Variants in ATXN2 observed in about 807,000 individuals in gnomAD.
ATXN2 encodes ataxin 2.
ATXN2 carries 37 observed loss-of-function variants against 138.6 expected under a neutral mutation model. The ratio of observed to expected loss-of-function variants is 0.27; its 90% CI spans 0.21 to 0.35. The LOEUF (loss-of-function observed/expected upper bound fraction) is 0.35. ATXN2 is among the 10% of genes least tolerant of loss of function. The pLI is 1.00. For synonymous variants in ATXN2, 549 were observed against 543.7 expected, an observed-to-expected ratio of 1.01 and a Z score of -0.13; for missense variants, 1,216 against 1,480.3, an observed-to-expected ratio of 0.82 and a Z score of 2.93.
intron 5 of ATXN2, among the ~76,000 whole-genome samples, chr12:111,534,476 A>G (rs1483339230): frequency 6.6e-6 from 1 of 152,162 alleles, no homozygotes; most frequent in Non-Finnish European, 1.5e-5. Context: ...TGTTATCTGT[A>G]AGTCACTGTA....
In ATXN2 at chr12:111,470,599, T is replaced by C. The variant is rs762538193; in HGVS notation, c.2668A>G (p.Asn890Asp). ...YVAYSPQQFPNQPLVQHVPHY... is the reference protein window; with the variant it reads ...YVAYSPQQFPDQPLVQHVPHY... ...GGCACATGCTGAACAAGGGGCTGAT[T>C]TGGGAACTGCTGAGGACTGTAGGCA... The change falls in exon 19 of 25, where the codon AAT becomes GAT. Residue 890 changes from asparagine to aspartate, a missense_variant. By Grantham distance (23) the Asn-to-Asp change is conservative. Coordinates refer to ENST00000673436, the MANE Select transcript of ATXN2 (RefSeq NM_001372574.1). 6 of 1,613,992 alleles carry C rather than the reference T, an allele frequency of 3.7e-6. No homozygotes were observed. The African/African-American group carries it at 4.0e-5, about 11-fold the overall frequency.
At position 111,573,262 on chromosome 12, in the gene ATXN2, A is replaced by G. The variant is rs566441893; in HGVS notation, c.252-17343T>C. On this transcript the variant is annotated intron_variant, in intron 1 of 24. Coordinates refer to ENST00000673436, the MANE Select transcript of ATXN2 (RefSeq NM_001372574.1). ...CGCTGGAGTGCAATGGAGCGATCTC[A>G]GCTCACTGCAACCTCCACCTCCCAG... 5.3e-5 allele frequency among the ~76,000 whole-genome samples: 8 copies of G among 152,066 alleles called. No homozygotes were observed. In the South Asian group the frequency reaches 1.7e-3, roughly 32 times the overall value.
At chr12:111,585,427 C>T (rs1159729893) in intron 1 of ATXN2, among the ~76,000 whole-genome samples, 1 of 151,802 alleles carries the variant, frequency 6.6e-6, no homozygotes, top group Non-Finnish European at 1.5e-5. Flanking sequence ...GCAGGAAAAT[C>T]GCTAGAAGCT....
chr12:111,493,651 CAG>C (rs1324928481), intron 14 of ATXN2, among the ~76,000 whole-genome samples: 1 of 149,950 alleles, frequency 6.7e-6, no homozygotes, highest in African/African-American at 2.5e-5. Flanking sequence ...TTTTGTGAGA[CAG>C]AGTCTTGCTC....
intron 1 of ATXN2, among the ~76,000 whole-genome samples, chr12:111,592,145 T>C (rs1273885929): frequency 6.7e-6 from 1 of 150,040 alleles, no homozygotes; most frequent in Admixed American, 6.6e-5. Context: ...ATCCCAGCAC[T>C]TTGGGAGGCC....
intron 1 of ATXN2, among the ~76,000 whole-genome samples, chr12:111,566,658 T>C (rs1883028207): frequency 6.6e-6 from 1 of 150,664 alleles, no homozygotes; most frequent in South Asian, 2.1e-4. Flanking sequence ...TTTTTTAAGA[T>C]AGAGTTTCGC....
intron 20 of ATXN2, chr12:111,469,735 C>T (rs2135672877): frequency 3.8e-6 from 1 of 262,140 alleles, no homozygotes. Context: ...AAAATGTTTT[C>T]ATGCTGGAGA....
At chr12:111,505,888 C>T (rs779497387) in intron 14 of ATXN2, among the ~76,000 whole-genome samples, 2 of 152,190 alleles carry the variant, frequency 1.3e-5, no homozygotes. Flanking sequence ...AAACTGCACA[C>T]TCATGTTTGT....
At chr12:111,580,194 A>C (rs1566077882) in intron 1 of ATXN2, among the ~76,000 whole-genome samples, 1 of 151,920 alleles carries the variant, frequency 6.6e-6, no homozygotes, top group South Asian at 2.1e-4. Flanking sequence ...AAGAAAGAGG[A>C]GGCTGGGTGC....
rs149933271 is a variant in ATXN2, at chr12:111,502,996, T to C, written c.1935+6553A>G. On this transcript the variant is annotated intron_variant, in intron 14 of 24. Coordinates refer to ENST00000673436, the MANE Select transcript of ATXN2 (RefSeq NM_001372574.1). Reference sequence around the variant, plus strand: ...GCCACAATGTTACGCACATGATGTATAGAGGCCAACATTCAAACCTAGGTC... The same window carrying C: ...GCCACAATGTTACGCACATGATGTACAGAGGCCAACATTCAAACCTAGGTC... 2.2e-3 allele frequency among the ~76,000 whole-genome samples: 329 copies of C among 152,320 alleles called. 2 individuals carry two copies. The highest frequency in any genetic ancestry group is 7.5e-3 in the African/African-American group (313 of 41,576).
chr12:111,524,683 G>C lies in ATXN2; in HGVS notation c.696+509C>G, dbSNP rs150886605. 4.6e-3 allele frequency among the ~76,000 whole-genome samples: 706 copies of C among 152,282 alleles called. 7 individuals carry two copies. Among genetic ancestry groups the C allele is most frequent in the African/African-American group, 0.016 (647 of 41,558 alleles). On this transcript the variant is annotated intron_variant, in intron 6 of 24. Transcript: ENST00000673436. ...GTTTTAGAAATAAAAGAATTTTGTGGAGAATAATCCAAATTTAAGACCAAG... is the reference window on the plus strand; with the variant it reads ...GTTTTAGAAATAAAAGAATTTTGTGCAGAATAATCCAAATTTAAGACCAAG...
intron 1 of ATXN2, among the ~76,000 whole-genome samples, chr12:111,566,498 G>A (rs1883017818): frequency 6.7e-6 from 1 of 149,772 alleles, no homozygotes; most frequent in Admixed American, 6.7e-5. Flanking sequence ...GCCATTCATA[G>A]CCATTCTCTG....
At chr12:111,585,832 C>T (rs986602705) in intron 1 of ATXN2, among the ~76,000 whole-genome samples, 3 of 139,234 alleles carry the variant, frequency 2.2e-5, no homozygotes, top group Non-Finnish European at 3.1e-5. Flanking sequence ...AAAAAAAAAC[C>T]TCCCAGAATG....
chr12:111,502,147 C>G (rs1041946373), intron 14 of ATXN2, among the ~76,000 whole-genome samples: 2 of 152,196 alleles, frequency 1.3e-5, no homozygotes, highest in African/African-American at 4.8e-5. Context: ...CCTGTCTCAG[C>G]CTCCCAAAGT....
intron 9 of ATXN2, 133 bp downstream of exon 9, chr12:111,518,116 T>C (rs896416701): frequency 1.3e-6 from 1 of 754,360 alleles, no homozygotes; most frequent in Non-Finnish European, 2.0e-6. Flanking sequence ...TTTTAAGTAA[T>C]GCTGAAGTGA....
intron 1 of ATXN2, among the ~76,000 whole-genome samples, chr12:111,597,402 A>T (rs1230393269): frequency 6.6e-6 from 1 of 152,236 alleles, no homozygotes; most frequent in Non-Finnish European, 1.5e-5. Context: ...CCCGCCGTCA[A>T]GCCGGCGGCC....
Position 111,453,644 on chromosome 12 carries a change from T to C in ATXN2, c.3439+33A>G, listed in dbSNP as rs1874845535. 14 of 1,508,626 alleles carry C rather than the reference T, an allele frequency of 9.3e-6. No homozygotes were observed. Among genetic ancestry groups the C allele is most frequent in the Non-Finnish European group, 1.2e-5 (14 of 1,124,534 alleles). The allele number at this position is 1,508,626 out of a possible 1,614,324, so 93.5% of individuals were successfully genotyped here. On this transcript the variant is annotated intron_variant, in intron 24 of 24. Transcript: ENST00000673436. This position sits in a 1 kb window ranked among gnomAD's most constrained non-coding sequence, Gnocchi z 5.4. ...CCTGTGCGAGCAGAATGCTTTGGGG[T>C]GCCCCGGCGGCCCCTGCACACACAC...
intron 15 of ATXN2, among the ~76,000 whole-genome samples, chr12:111,488,126 CT>C (rs1223295410): frequency 1.3e-5 from 2 of 152,166 alleles, no homozygotes; most frequent in African/African-American, 4.8e-5. Context: ...GTTTTTCAAC[CT>C]AGCAGCACAG....
At chr12:111,534,396 C>T (rs965953527) in intron 5 of ATXN2, among the ~76,000 whole-genome samples, 2 of 151,680 alleles carry the variant, frequency 1.3e-5, no homozygotes, top group African/African-American at 4.8e-5. Context: ...AGTGAGACCC[C>T]GTATATAAAA....
Sources: gnomAD v4.1 joint callset for allele counts (sites outside exome capture counted in the v4.1 genomes callset) on GRCh38, gnomAD v4.1.1 for gene constraint, Gnocchi (gnomAD v3.1) non-coding constraint, MANE v1.5 for transcripts, NCBI Gene and HGNC (gene_info 2026-07-23, HGNC 2026-07-21) for gene names.